Variants in CSMD1 observed in about 807,000 individuals in gnomAD.
CSMD1 encodes the protein CUB and Sushi multiple domains 1.
A neutral mutation model predicts 417.5 loss-of-function variants in CSMD1; 213 were observed. The ratio of observed to expected loss-of-function variants is 0.51; its 90% confidence interval spans 0.46 to 0.57. The LOEUF is 0.57. CSMD1 is among the 20% of genes least tolerant of loss of function. The probability of loss-of-function intolerance (pLI) is 0.00; values close to 1 mark genes in which losing one functional copy is unlikely to be tolerated. For synonymous variants in CSMD1, 2,862 were observed against 1,736.8 expected (o/e 1.65, Z -16.11); for missense variants, 6,923 against 4,529.7 (o/e 1.53, Z -15.17).
chr8:3,546,988 T>A (rs1013492152), intron 10 of CSMD1, among the ~76,000 whole-genome samples: 1 of 152,186 alleles, frequency 6.6e-6, no homozygotes, highest in African/African-American at 2.4e-5. Flanking sequence ...AGAGCAAAAC[T>A]GAACAGCGTC....
At chr8:3,563,195 T>C (rs1263833975) in intron 10 of CSMD1, among the ~76,000 whole-genome samples, 1 of 152,090 alleles carries the variant, frequency 6.6e-6, no homozygotes, top group Non-Finnish European at 1.5e-5. Flanking sequence ...TAGTTGGGTT[T>C]TTTGTTTGTT....
chr8:3,824,769 C>T (rs1585050916), intron 5 of CSMD1, among the ~76,000 whole-genome samples: 1 of 151,904 alleles, frequency 6.6e-6, no homozygotes, highest in Non-Finnish European at 1.5e-5. Context: ...TGGTGGCTCA[C>T]AATATATTGG....
At chr8:3,491,230 G>A (rs559578699) in intron 11 of CSMD1, among the ~76,000 whole-genome samples, 2 of 152,108 alleles carry the variant, frequency 1.3e-5, no homozygotes, top group African/African-American at 2.4e-5. Flanking sequence ...TCAAGATCCT[G>A]GAGCAGTATC....
intron 2 of CSMD1, among the ~76,000 whole-genome samples, chr8:4,449,029 T>C (rs191918411): frequency 9.8e-5 from 15 of 152,328 alleles, no homozygotes; most frequent in Admixed American, 3.9e-4. Flanking sequence ...CAGCCTAATT[T>C]ATGGTTCTTG....
intron 1 of CSMD1, among the ~76,000 whole-genome samples, chr8:4,948,962 A>G (rs1218628131): frequency 6.6e-6 from 1 of 152,148 alleles, no homozygotes; most frequent in Non-Finnish European, 1.5e-5. Flanking sequence ...TTATATAGCA[A>G]GGCTGATATA....
intron 2 of CSMD1, among the ~76,000 whole-genome samples, chr8:4,514,957 T>A (rs1803035674): frequency 6.6e-6 from 1 of 152,218 alleles, no homozygotes; most frequent in African/African-American, 2.4e-5. Flanking sequence ...CACCCAAGAT[T>A]TTTGGCCTTT....
chr8:3,589,379 GGTGT>G lies in CSMD1; in HGVS notation c.1098-3123_1098-3120del, dbSNP rs58729391. Among the ~76,000 whole-genome samples, 1,341 of 149,810 alleles carry G rather than the reference GGTGT, an allele frequency of 9.0e-3. 18 individuals are homozygous for G. Among genetic ancestry groups the G allele is most frequent in the African/African-American group, 0.026 (1,053 of 40,972 alleles). On this transcript the variant is annotated intron_variant, in intron 8 of 69. Coordinates refer to ENST00000635120, the MANE Select transcript of CSMD1 (RefSeq NM_033225.6). ...ACTGAGAAATGGATAAAGAAAATGT[GGTGT>G]GTGTGTGTGTGTGTGTGTGTGTTCA...
chr8:3,407,987 G>T lies in CSMD1; in HGVS notation c.1983C>A (p.Ser661=), dbSNP rs372686253. 1.2e-6 allele frequency: 2 copies of T among 1,613,784 alleles called. No individual in the cohort carries two copies. Among genetic ancestry groups the T allele is most frequent in the East Asian group, 4.5e-5 (2 of 44,850 alleles). The change falls in exon 14 of 70, where the codon TCC becomes TCA. Residue 661 remains serine (S), a synonymous_variant. Transcript: ENST00000635120. ...LGTFSGNEVP[S]QLASSGHIVR... is the part of the protein sequence containing the mutation. Reference sequence around the variant, plus strand: ...CTATATGCCCACTGCTGGCCAGCTGGGAAGGCACTTCATTGCCAGAAAAAG... The same window carrying T: ...CTATATGCCCACTGCTGGCCAGCTGTGAAGGCACTTCATTGCCAGAAAAAG...
chr8:3,998,979 A>C (rs886398078), intron 4 of CSMD1, among the ~76,000 whole-genome samples: 1 of 147,270 alleles, frequency 6.8e-6, no homozygotes, highest in South Asian at 2.1e-4. Flanking sequence ...TATAAATAAC[A>C]TAAACTATAT....
intron 3 of CSMD1, among the ~76,000 whole-genome samples, chr8:4,370,187 CT>C (rs1446670712): frequency 6.6e-6 from 1 of 152,116 alleles, no homozygotes; most frequent in Non-Finnish European, 1.5e-5. Flanking sequence ...AATTTCATTT[CT>C]CCTTTGCTTA....
intron 5 of CSMD1, among the ~76,000 whole-genome samples, chr8:3,879,942 C>G (rs1806101112): frequency 6.6e-6 from 1 of 151,994 alleles, no homozygotes; most frequent in Non-Finnish European, 1.5e-5. Context: ...ATACGACTTA[C>G]TACATATTTA....
chr8:4,323,800 A>G (rs1257166472), intron 3 of CSMD1, among the ~76,000 whole-genome samples: 2 of 152,160 alleles, frequency 1.3e-5, no homozygotes, highest in African/African-American at 4.8e-5. Flanking sequence ...TTATTGAACC[A>G]TAAAGGATGG....
intron 2 of CSMD1, among the ~76,000 whole-genome samples, chr8:4,476,406 T>C (rs1800805479): frequency 1.3e-5 from 2 of 152,210 alleles, no homozygotes; most frequent in African/African-American, 4.8e-5. Flanking sequence ...TAGTTAAGTG[T>C]GATTAATTCA....
chr8:3,348,955 G>C lies in CSMD1; in HGVS notation c.3305-794C>G, dbSNP rs79833136. ...AGCTCCAAAACTCTAAGTCCAATAC[G>C]ATCACAGAAAAATAAAGTGGCTACA... On this transcript the variant is annotated intron_variant, in intron 21 of 69. Transcript: ENST00000635120. 2.7e-4 allele frequency among the ~76,000 whole-genome samples: 41 copies of C among 152,202 alleles called. No individual in the cohort carries two copies. The East Asian group carries it at 6.8e-3, about 25-fold the overall frequency.
intron 1 of CSMD1, among the ~76,000 whole-genome samples, chr8:4,693,705 T>A (rs1806927277): frequency 7.2e-6 from 1 of 138,738 alleles, no homozygotes; most frequent in Non-Finnish European, 1.6e-5. Context: ...TCCCTACGCT[T>A]CCCAGGCTGG....
At chr8:4,725,037 C>G (rs547947725) in intron 1 of CSMD1, among the ~76,000 whole-genome samples, 4 of 152,114 alleles carry the variant, frequency 2.6e-5, no homozygotes. Flanking sequence ...TATACTTTTG[C>G]TATTTTAAAC....
chr8:3,507,103 T>C (rs191130826), intron 10 of CSMD1, among the ~76,000 whole-genome samples: 5 of 152,292 alleles, frequency 3.3e-5, no homozygotes, highest in Admixed American at 2.6e-4. Context: ...ATTACTATTA[T>C]TATAAAAATC....
At chr8:3,438,634 A>C (rs1814731805) in intron 12 of CSMD1, among the ~76,000 whole-genome samples, 1 of 152,120 alleles carries the variant, frequency 6.6e-6, no homozygotes. Flanking sequence ...TAATTTGTTT[A>C]ACTGTTTGCA....
At chr8:4,107,673 C>G (rs1046576533) in intron 3 of CSMD1, among the ~76,000 whole-genome samples, 4 of 152,162 alleles carry the variant, frequency 2.6e-5, no homozygotes, top group African/African-American at 4.8e-5. Flanking sequence ...AATCCATCAT[C>G]TGTGTCCAAC....
Sources: gnomAD v4.1 joint callset for allele counts (sites outside exome capture counted in the v4.1 genomes callset) on GRCh38, gnomAD v4.1.1 for gene constraint, MANE v1.5 for transcripts, NCBI Gene and HGNC (gene_info 2026-07-23, HGNC 2026-07-21) for gene names.